Variants in PDE4D observed in about 807,000 individuals in gnomAD.
The protein encoded by PDE4D is 3',5'-cyclic-AMP phosphodiesterase 4D.
In PDE4D, 24 loss-of-function variants were observed where a neutral mutation model predicts 87.4. The observed-to-expected ratio is 0.27, with a 90% confidence interval of 0.20 to 0.39. The LOEUF (loss-of-function observed/expected upper bound fraction) is 0.39. Among genes scored for constraint, PDE4D ranks in the 10% least tolerant of loss-of-function variants. The pLI is 1.00. For missense variants in PDE4D, 714 were observed against 1,041.0 expected (o/e 0.69, Z 4.32); for synonymous variants, 384 against 383.2 (o/e 1.00, Z -0.02).
At chr5:60,202,966 T>C (rs1214898211) in intron 1 of PDE4D, among the ~76,000 whole-genome samples, 1 of 152,186 alleles carries the variant, frequency 6.6e-6, no homozygotes, top group African/African-American at 2.4e-5. Context: ...TTCATAATAA[T>C]AAAAACAATG....
At chr5:59,629,257 A>G (rs1831269928) in intron 1 of PDE4D, among the ~76,000 whole-genome samples, 1 of 152,162 alleles carries the variant, frequency 6.6e-6, no homozygotes, top group South Asian at 2.1e-4. Flanking sequence ...TTAATGTTGA[A>G]GCCTAACCTC....
intron 1 of PDE4D, among the ~76,000 whole-genome samples, chr5:60,476,798 G>A (rs1044380731): frequency 3.0e-4 from 46 of 152,174 alleles, no homozygotes; most frequent in African/African-American, 8.9e-4. Flanking sequence ...AAGCACCTCC[G>A]CCATCATTCC....
intron 1 of PDE4D, chr5:59,586,639 C>T: frequency 8.4e-7 from 1 of 1,196,058 alleles, no homozygotes; most frequent in Non-Finnish European, 1.0e-6. Flanking sequence ...ACTAGTTAGT[C>T]AACATACTAA....
At chr5:59,483,736 G>A (rs973448852) in intron 1 of PDE4D, among the ~76,000 whole-genome samples, 6 of 152,098 alleles carry the variant, frequency 3.9e-5, no homozygotes, top group South Asian at 4.1e-4. Flanking sequence ...AACCTGCTAA[G>A]GCTGCAACCT....
intron 1 of PDE4D, among the ~76,000 whole-genome samples, chr5:60,500,639 G>A (rs1229219107): frequency 6.6e-6 from 1 of 152,186 alleles, no homozygotes; most frequent in African/African-American, 2.4e-5. Flanking sequence ...ACTAAGCGGG[G>A]ACTTTGTGAA....
intron 2 of PDE4D, chr5:60,031,113 AT>A (rs1187507905): frequency 6.6e-6 from 1 of 152,238 alleles, no homozygotes; most frequent in Non-Finnish European, 1.5e-5. Flanking sequence ...TTGTGAAAGA[AT>A]ATTTTCTGTT....
intron 1 of PDE4D, among the ~76,000 whole-genome samples, chr5:59,759,120 A>G (rs1013496881): frequency 2.6e-5 from 4 of 152,178 alleles, no homozygotes; most frequent in Non-Finnish European, 5.9e-5. Flanking sequence ...TGAAAGTGCT[A>G]CTTGAAGAAC....
At chr5:59,068,655 G>T (rs1005046784) in intron 5 of PDE4D, among the ~76,000 whole-genome samples, 1 of 152,158 alleles carries the variant, frequency 6.6e-6, no homozygotes, top group African/African-American at 2.4e-5. Context: ...CACTGAGGAA[G>T]ATCAACATGT....
chr5:60,071,359 A>G (rs1316981287), intron 2 of PDE4D, among the ~76,000 whole-genome samples: 1 of 152,100 alleles, frequency 6.6e-6, no homozygotes, highest in Non-Finnish European at 1.5e-5. Flanking sequence ...GCACACAGCC[A>G]TCTAAAAGAA....
At chr5:59,519,248 T>C (rs1562323082) in intron 1 of PDE4D, among the ~76,000 whole-genome samples, 1 of 152,214 alleles carries the variant, frequency 6.6e-6, no homozygotes, top group East Asian at 1.9e-4. Flanking sequence ...CTTGCCCTTA[T>C]AGAGCTTACA....
intron 3 of PDE4D, among the ~76,000 whole-genome samples, chr5:59,186,931 G>A (rs1480347190): frequency 2.0e-5 from 3 of 152,140 alleles, no homozygotes; most frequent in Non-Finnish European, 4.4e-5. Context: ...ATCCACTGTC[G>A]TTAAATCATG....
At chr5:60,042,962 A>C (rs1768697987) in intron 2 of PDE4D, among the ~76,000 whole-genome samples, 1 of 152,162 alleles carries the variant, frequency 6.6e-6, no homozygotes, top group Non-Finnish European at 1.5e-5. Flanking sequence ...AATTGACAGA[A>C]GTAGACTTCA....
At chr5:60,264,401 C>T (rs1308398112) in intron 1 of PDE4D, among the ~76,000 whole-genome samples, 1 of 152,164 alleles carries the variant, frequency 6.6e-6, no homozygotes, top group Non-Finnish European at 1.5e-5. Flanking sequence ...CTAGCTATAG[C>T]CAAAACAATC....
chr5:59,677,516 T>A (rs1748296926), intron 1 of PDE4D, among the ~76,000 whole-genome samples: 1 of 152,196 alleles, frequency 6.6e-6, no homozygotes, highest in Non-Finnish European at 1.5e-5. Context: ...AATAATTTTT[T>A]GAGAAAGAAC....
At chr5:58,979,674 A>C (rs565260438) in intron 11 of PDE4D, among the ~76,000 whole-genome samples, 4 of 152,250 alleles carry the variant, frequency 2.6e-5, no homozygotes, top group Admixed American at 2.0e-4. Context: ...TTTTTGTTGA[A>C]ACCCTTTCAT....
intron 1 of PDE4D, among the ~76,000 whole-genome samples, chr5:59,707,459 C>G (rs1482230919): frequency 3.3e-5 from 5 of 152,134 alleles, no homozygotes; most frequent in African/African-American, 1.2e-4. Context: ...GGCCCTCAGG[C>G]CACATCTAGC....
intron 1 of PDE4D, among the ~76,000 whole-genome samples, chr5:60,271,251 C>T: frequency 6.6e-6 from 1 of 152,138 alleles, no homozygotes; most frequent in East Asian, 1.9e-4. Context: ...TACATTTTAT[C>T]TAACTGTTTT....
At position 59,678,309 on chromosome 5, in the gene PDE4D, T is replaced by C. The variant is rs1243876774; in HGVS notation, c.455+214859A>G. ...AATATAAATACAAGGAGATAAAGAATATTTATAATCCTATTACTCAGAGTT... is the reference window on the plus strand; with the variant it reads ...AATATAAATACAAGGAGATAAAGAACATTTATAATCCTATTACTCAGAGTT... On this transcript the variant is annotated intron_variant, in intron 1 of 14. Transcript: ENST00000340635. Among the ~76,000 whole-genome samples, 4 of 152,198 alleles carry C rather than the reference T, an allele frequency of 2.6e-5. No individual in the cohort carries two copies. The East Asian group carries it at 7.7e-4, about 29-fold the overall frequency.
intron 1 of PDE4D, among the ~76,000 whole-genome samples, chr5:59,697,681 G>A (rs1337653902): frequency 2.0e-5 from 3 of 152,150 alleles, no homozygotes; most frequent in Admixed American, 6.6e-5. Flanking sequence ...AACCTGTTCA[G>A]GATTTTCCCA....
Sources: gnomAD v4.1 joint callset for allele counts (sites outside exome capture counted in the v4.1 genomes callset) on GRCh38, gnomAD v4.1.1 for gene constraint, MANE v1.5 for transcripts, NCBI Gene and HGNC (gene_info 2026-07-23, HGNC 2026-07-21) for gene names.